ZFPM1: variants seen among roughly 807,000 people sequenced by gnomAD.
The protein encoded by ZFPM1 is zinc finger protein ZFPM1.
Under a neutral mutation model 46.3 loss-of-function variants are expected in ZFPM1, and 28 were observed. The observed-to-expected ratio is 0.60, with a 90% CI of 0.45 to 0.83. The LOEUF is 0.83. ZFPM1 is among the 40% of genes least tolerant of loss of function. The pLI, the probability that ZFPM1 is intolerant of heterozygous loss-of-function variation, is 0.00. For synonymous variants in ZFPM1, 957 were observed against 675.9 expected, an observed-to-expected ratio of 1.42 and a Z score of -6.45; for missense variants, 1,878 against 1,432.4, an observed-to-expected ratio of 1.31 and a Z score of -5.02.
intron 1 of ZFPM1, among the ~76,000 whole-genome samples, chr16:88,473,200 G>C (rs755117181): frequency 3.9e-5 from 6 of 152,270 alleles, no homozygotes; most frequent in Non-Finnish European, 8.8e-5. Context: ...CTGGACACTA[G>C]GGTCCCCAGG....
intron 3 of ZFPM1, among the ~76,000 whole-genome samples, chr16:88,505,908 C>G (rs926278694): frequency 6.6e-6 from 1 of 152,160 alleles, no homozygotes; most frequent in Non-Finnish European, 1.5e-5. Flanking sequence ...GTGCTCACCC[C>G]AAGGACAGGC....
At chr16:88,515,322 A>C (rs1004207247) in intron 4 of ZFPM1, among the ~76,000 whole-genome samples, 2 of 152,180 alleles carry the variant, frequency 1.3e-5, no homozygotes, top group Admixed American at 6.5e-5. Context: ...AAGCTGGCCC[A>C]GGACAGAGGG....
intron 1 of ZFPM1, among the ~76,000 whole-genome samples, chr16:88,473,348 C>T (rs1324204371): frequency 6.6e-6 from 1 of 150,578 alleles, no homozygotes; most frequent in Non-Finnish European, 1.5e-5. Context: ...CTTGTGAGCT[C>T]ACCCACCGAC....
At chr16:88,462,552 C>T (rs943136773) in intron 1 of ZFPM1, among the ~76,000 whole-genome samples, 5 of 152,210 alleles carry the variant, frequency 3.3e-5, no homozygotes, top group African/African-American at 1.2e-4. Context: ...GCATGGCTGC[C>T]TGTGCCTAGG....
intron 2 of ZFPM1, 28 bp downstream of exon 2, chr16:88,486,071 G>A (rs112569065): frequency 4.2e-4 from 661 of 1,591,638 alleles, no homozygotes; most frequent in Non-Finnish European, 5.0e-4. Flanking sequence ...CTCTCACCGC[G>A]CCTCCAGCCG....
At chr16:88,470,918 C>T (rs1014660324) in intron 1 of ZFPM1, among the ~76,000 whole-genome samples, 16 of 152,034 alleles carry the variant, frequency 1.1e-4, no homozygotes, top group South Asian at 4.1e-4. Flanking sequence ...GTGGGAGCTC[C>T]GAGCAGGGGA....
intron 3 of ZFPM1, among the ~76,000 whole-genome samples, chr16:88,501,119 A>G (rs373987828): frequency 0.021 from 2,402 of 114,146 alleles, 29 homozygotes; most frequent in Middle Eastern, 0.057. Flanking sequence ...TGGAGATAGC[A>G]GACATGGATG....
chr16:88,453,752 C>G (rs965594753), intron 1 of ZFPM1, 74 bp downstream of exon 1: 33 of 925,960 alleles, frequency 3.6e-5, no homozygotes, highest in Admixed American at 2.0e-4. Context: ...GCGCCGCCCC[C>G]GCCCGTCCCC....
intron 1 of ZFPM1, among the ~76,000 whole-genome samples, chr16:88,464,172 G>A (rs1441730041): frequency 1.3e-5 from 2 of 152,222 alleles, no homozygotes; most frequent in Admixed American, 6.5e-5. Context: ...GAAGGGCCCT[G>A]AGGAGAGGTG....
chr16:88,461,152 AGGGG>A (rs1907848040), intron 1 of ZFPM1, among the ~76,000 whole-genome samples: 1 of 42,514 alleles, frequency 2.4e-5, no homozygotes, highest in African/African-American at 1.3e-4. Flanking sequence ...GTGAGGACCG[AGGGG>A]CGGGAGACCT....
At chr16:88,461,274 C>CGG (rs1907877235) in intron 1 of ZFPM1, among the ~76,000 whole-genome samples, 2 of 142,268 alleles carry the variant, frequency 1.4e-5, no homozygotes, top group South Asian at 2.4e-4. Context: ...CCGACGGGTG[C>CGG]GAGGCCTGGT....
At chr16:88,527,997 C>A in intron 5 of ZFPM1, 35 bp from the exon 6 acceptor site, 1 of 1,501,326 alleles carries the variant, frequency 6.7e-7, no homozygotes, top group Non-Finnish European at 9.0e-7. Flanking sequence ...AAGTGGGGCA[C>A]AAAGTCCTAG....
At chr16:88,473,506 C>T (rs895115303) in intron 1 of ZFPM1, among the ~76,000 whole-genome samples, 2 of 152,186 alleles carry the variant, frequency 1.3e-5, no homozygotes, top group Non-Finnish European at 2.9e-5. Context: ...CATGACGGCC[C>T]CGCTGCCCCG....
chr16:88,501,335 G>GT (rs113215397), intron 3 of ZFPM1, among the ~76,000 whole-genome samples: 800 of 48,712 alleles, frequency 0.016, 12 homozygotes, highest in East Asian at 0.052. Flanking sequence ...ACATGGGTGC[G>GT]GGGCCCTCCC....
intron 1 of ZFPM1, among the ~76,000 whole-genome samples, chr16:88,477,362 C>A (rs995884729): frequency 6.6e-6 from 1 of 152,224 alleles, no homozygotes; most frequent in Non-Finnish European, 1.5e-5. Context: ...AGATTTGGGT[C>A]ACCGCGGTGT....
intron 1 of ZFPM1, among the ~76,000 whole-genome samples, chr16:88,477,610 G>A (rs760007024): frequency 6.6e-5 from 10 of 152,194 alleles, no homozygotes; most frequent in Non-Finnish European, 1.5e-4. Context: ...CCGGAGGATC[G>A]CTTGAGTCTA....
At chr16:88,461,981 A>T (rs1597227535) in intron 1 of ZFPM1, among the ~76,000 whole-genome samples, 1 of 151,892 alleles carries the variant, frequency 6.6e-6, no homozygotes, top group South Asian at 2.1e-4. Flanking sequence ...CCCACTCAGC[A>T]CCCCCAGGCC....
At chr16:88,507,570 G>C (rs1910729957) in intron 3 of ZFPM1, among the ~76,000 whole-genome samples, 1 of 152,224 alleles carries the variant, frequency 6.6e-6, no homozygotes, top group African/African-American at 2.4e-5. Context: ...GTATGACTCA[G>C]AGGACGGTGC....
At chr16:88,502,850 G>A (rs1380484313) in intron 3 of ZFPM1, among the ~76,000 whole-genome samples, 3 of 152,134 alleles carry the variant, frequency 2.0e-5, no homozygotes, top group African/African-American at 7.3e-5. Flanking sequence ...TCTAAGGGCA[G>A]CAGAGGCCAC....
Sources: gnomAD v4.1 joint callset for allele counts (sites outside exome capture counted in the v4.1 genomes callset) on GRCh38, gnomAD v4.1.1 for gene constraint, MANE v1.5 for transcripts, NCBI Gene and HGNC (gene_info 2026-07-23, HGNC 2026-07-21) for gene names.